The following SLC16A7 variants were observed in gnomAD, a reference collection of about 807,000 sequenced individuals.
The protein encoded by SLC16A7 is solute carrier family 16 member 7, also known as monocarboxylate transporter 2.
A neutral mutation model predicts 34.9 loss-of-function variants in SLC16A7; 33 were observed. The ratio of observed to expected loss-of-function variants is 0.94; its 90% CI spans 0.72 to 1.26. The LOEUF (loss-of-function observed/expected upper bound fraction) is 1.26, where lower values mean the gene tolerates loss of function less well. SLC16A7 is among the 50% of genes most tolerant of loss of function. SLC16A7 has a pLI of 0.00. For synonymous variants in SLC16A7, 201 were observed against 206.6 expected, an observed-to-expected ratio of 0.97 and a Z score of 0.23; for missense variants, 573 against 578.1, an observed-to-expected ratio of 0.99 and a Z score of 0.09.
At chr12:59,703,496 A>T (rs1389428570) in intron 2 of SLC16A7, among the ~76,000 whole-genome samples, 2 of 152,166 alleles carry the variant, frequency 1.3e-5, no homozygotes, top group Non-Finnish European at 2.9e-5. Context: ...TAATTTTTTG[A>T]TGTATGAGTA....
chr12:59,689,755 A>G (rs1871431640), intron 2 of SLC16A7, among the ~76,000 whole-genome samples: 1 of 152,064 alleles, frequency 6.6e-6, no homozygotes, highest in Non-Finnish European at 1.5e-5. Context: ...AAAAGAACCA[A>G]AACACCAGAG....
At chr12:59,654,406 A>G (rs764005916) in intron 1 of SLC16A7, among the ~76,000 whole-genome samples, 3 of 151,754 alleles carry the variant, frequency 2.0e-5, no homozygotes. Flanking sequence ...GCTTAATTCA[A>G]TAGTCACAAT....
chr12:59,650,364 G>A (rs1454980119), intron 1 of SLC16A7, among the ~76,000 whole-genome samples: 1 of 152,114 alleles, frequency 6.6e-6, no homozygotes, highest in African/African-American at 2.4e-5. Flanking sequence ...ATTTATGGCT[G>A]ATGCATATCC....
At chr12:59,667,269 G>A (rs1869285907) in intron 2 of SLC16A7, among the ~76,000 whole-genome samples, 1 of 152,076 alleles carries the variant, frequency 6.6e-6, no homozygotes, top group Non-Finnish European at 1.5e-5. Flanking sequence ...ATATCAGGAG[G>A]GCTTGGAGGA....
chr12:59,605,379 A>G (rs1388401238), intron 1 of SLC16A7, among the ~76,000 whole-genome samples: 1 of 152,170 alleles, frequency 6.6e-6, no homozygotes, highest in Non-Finnish European at 1.5e-5. Context: ...GCAAGGTGGT[A>G]GGGATAGAAT....
chr12:59,613,696 G>T (rs771421759), intron 1 of SLC16A7, among the ~76,000 whole-genome samples: 5 of 152,136 alleles, frequency 3.3e-5, no homozygotes, highest in African/African-American at 7.2e-5. Context: ...TTATAGGAGA[G>T]AGATGATGAA....
At position 59,714,237 on chromosome 12, in the gene SLC16A7, A is replaced by G. The variant is rs146330280; in HGVS notation, c.217+9219A>G. 1.4e-3 allele frequency among the ~76,000 whole-genome samples: 213 copies of G among 152,326 alleles called. 1 individual carries two copies. The highest frequency in any genetic ancestry group is 6.8e-3 in the Middle Eastern group (2 of 294). On this transcript the variant is annotated intron_variant, in intron 3 of 5. Transcript: ENST00000547379. The stretch of plus-strand genomic sequence containing the variant: ...AAAGATGGAGAAAGTTGTGTTTGAC[A>G]GTCTAAAACCTACTGGAAATGATCC...
At chr12:59,611,775 G>T (rs958108746) in intron 1 of SLC16A7, among the ~76,000 whole-genome samples, 2 of 152,120 alleles carry the variant, frequency 1.3e-5, no homozygotes, top group African/African-American at 4.8e-5. Flanking sequence ...AGGGGCTCTG[G>T]GCCCCATGCA....
In SLC16A7 at chr12:59,785,259, A is replaced by T. The variant is rs1398607581; in HGVS notation, c.*5580A>T. ...CTCTTCTTTCCTATCAGTTGTTTGT[A>T]CACTGGAGATTTTAGCTCTTTACAG... is the stretch of plus-strand genomic sequence containing the variant. On this transcript the variant is annotated 3_prime_UTR_variant, in exon 6 of 6. Coordinates refer to ENST00000547379, the MANE Select transcript of SLC16A7 (RefSeq NM_001270623.2). 1.3e-5 allele frequency: 2 copies of T among 152,158 alleles called. No homozygotes were observed. Among genetic ancestry groups the T allele is most frequent in the African/African-American group, 4.8e-5 (2 of 41,446 alleles). 9.4% of individuals were successfully genotyped at this position (152,158 alleles called of 1,614,324 possible).
intron 3 of SLC16A7, among the ~76,000 whole-genome samples, chr12:59,744,083 G>T (rs567671390): frequency 3.3e-5 from 5 of 152,192 alleles, no homozygotes; most frequent in African/African-American, 1.2e-4. Flanking sequence ...ATTATCTTGC[G>T]TAAGATTATT....
At chr12:59,736,015 T>A in intron 3 of SLC16A7, 2 of 647,630 alleles carry the variant, frequency 3.1e-6, no homozygotes, top group Non-Finnish European at 4.6e-6. Flanking sequence ...AGAAACATTA[T>A]TTTAATGTAT....
intron 3 of SLC16A7, among the ~76,000 whole-genome samples, chr12:59,755,564 T>C (rs1361958655): frequency 6.6e-6 from 1 of 152,170 alleles, no homozygotes; most frequent in Non-Finnish European, 1.5e-5. Context: ...GAGAAGGACC[T>C]CTTCAAGGAG....
intron 3 of SLC16A7, among the ~76,000 whole-genome samples, chr12:59,728,743 ACTAT>A (rs1456601964): frequency 8.5e-5 from 13 of 152,158 alleles, no homozygotes; most frequent in Admixed American, 1.3e-4. Flanking sequence ...TAAATAAGAA[ACTAT>A]CATCAAGCAA....
At chr12:59,689,653 T>C (rs950470588) in intron 2 of SLC16A7, among the ~76,000 whole-genome samples, 1 of 152,000 alleles carries the variant, frequency 6.6e-6, no homozygotes, top group Non-Finnish European at 1.5e-5. Context: ...AAGGTATTCT[T>C]TGGCCATGTA....
Position 59,596,952 on chromosome 12 carries a change from G to A in SLC16A7, c.-130+716G>A, listed in dbSNP as rs1878435845. The A allele has an allele frequency of 6.6e-6, 1 of 152,370 alleles. No individual in the cohort carries two copies. The highest frequency in any genetic ancestry group is 1.5e-5 in the Non-Finnish European group (1 of 68,164). The allele number at this position is 152,370 out of a possible 1,614,324, so 9.4% of individuals were successfully genotyped here. A position where few individuals can be genotyped will look rare whatever the true frequency, so the allele number is the denominator to read the frequency against. On this transcript the variant is annotated intron_variant, in intron 1 of 5. Transcript: ENST00000547379. This position sits in a 1 kb window ranked among gnomAD's most constrained non-coding sequence, Gnocchi z 5.0. ...ACTTGGCAAGGGTTCAGGAGGGCCTGAGCCTTCTGGTCTTGCTGGGCCACT... is the reference window on the plus strand; with the variant it reads ...ACTTGGCAAGGGTTCAGGAGGGCCTAAGCCTTCTGGTCTTGCTGGGCCACT...
intron 3 of SLC16A7, among the ~76,000 whole-genome samples, chr12:59,738,440 A>G (rs1304435248): frequency 2.0e-5 from 3 of 152,202 alleles, no homozygotes; most frequent in Non-Finnish European, 4.4e-5. Context: ...TGGACCAATA[A>G]CAAGATGCAG....
At chr12:59,690,259 G>T (rs572226565) in intron 2 of SLC16A7, among the ~76,000 whole-genome samples, 5 of 152,036 alleles carry the variant, frequency 3.3e-5, no homozygotes, top group African/African-American at 1.2e-4. Flanking sequence ...AAAAGTTTGG[G>T]CTGACTCTCC....
intron 2 of SLC16A7, among the ~76,000 whole-genome samples, chr12:59,688,645 G>T (rs1592500098): frequency 6.6e-6 from 1 of 151,914 alleles, no homozygotes; most frequent in East Asian, 1.9e-4. Flanking sequence ...TTTTTATGTG[G>T]TGACTGTCTG....
At chr12:59,746,463 T>C (rs753986531) in intron 3 of SLC16A7, among the ~76,000 whole-genome samples, 1 of 152,340 alleles carries the variant, frequency 6.6e-6, no homozygotes. Flanking sequence ...AAAAGAGTTT[T>C]AATCTACAAT....
Sources: allele counts gnomAD v4.1 joint callset (sites outside exome capture counted in the v4.1 genomes callset), GRCh38; gene constraint gnomAD v4.1.1; non-coding constraint Gnocchi (gnomAD v3.1); transcripts MANE v1.5; gene names NCBI Gene and HGNC (gene_info 2026-07-23, HGNC 2026-07-21).